The following SMARCA4 variants were observed in gnomAD, a reference collection of about 807,000 sequenced individuals.
SMARCA4 encodes SWI/SNF related BAF chromatin remodeling complex subunit ATPase 4.
A neutral mutation model predicts 193.9 loss-of-function variants in SMARCA4; 31 were observed. The observed-to-expected ratio is 0.16, with a 90% CI of 0.12 to 0.22. The LOEUF is 0.22. Ranked by LOEUF, SMARCA4 falls within the 10% of genes least tolerant of loss-of-function variation. The probability of loss-of-function intolerance (pLI) is 1.00; values close to 1 mark genes in which losing one functional copy is unlikely to be tolerated. For synonymous variants in SMARCA4, 942 were observed against 933.1 expected, an observed-to-expected ratio of 1.01 and a Z score of -0.17; for missense variants, 1,148 against 2,296.0, an observed-to-expected ratio of 0.50 and a Z score of 10.22.
Position 11,058,042 on chromosome 19 carries a change from G to T in SMARCA4, c.4425-213G>T, listed in dbSNP as rs1006037995. ...AATCTCCTGAACCTGGGAGGTGGAG[G>T]TTGCAGTGAGCCGAGATCGCACCAT... On this transcript the variant is annotated intron_variant, in intron 30 of 34. Coordinates refer to ENST00000344626, the MANE Select transcript of SMARCA4 (RefSeq NM_003072.5). This position sits in a 1 kb window ranked among gnomAD's most constrained non-coding sequence, Gnocchi z 5.8. 6.6e-6 allele frequency among the ~76,000 whole-genome samples: 1 copy of T among 151,702 alleles called. No individual in the cohort carries two copies. Among genetic ancestry groups the T allele is most frequent in the Non-Finnish European group, 1.5e-5 (1 of 67,972 alleles).
At chr19:10,971,551 GT>G (rs1406993915) in intron 1 of SMARCA4, among the ~76,000 whole-genome samples, 1 of 150,668 alleles carries the variant, frequency 6.6e-6, no homozygotes, top group Admixed American at 6.6e-5. Flanking sequence ...GGGGAGTACA[GT>G]GGTGCAATCA....
intron 22 of SMARCA4, 147 bp downstream of exon 22, chr19:11,025,655 G>A (rs1484358481): frequency 7.3e-6 from 5 of 683,258 alleles, no homozygotes; most frequent in African/African-American, 1.8e-5. Flanking sequence ...TTTGGTCTTC[G>A]CTTCACCAGT....
chr19:10,984,266 G>T lies in SMARCA4; in HGVS notation c.115G>T (p.Ala39Ser), dbSNP rs764312409. The T allele has an allele frequency of 2.5e-6, 4 of 1,611,008 alleles. No homozygotes were observed. The East Asian group carries it at 8.9e-5, about 36-fold the overall frequency. The stretch of plus-strand genomic sequence containing the variant: ...TAGCCCGGGTCCCTCGCCGGGCTCC[G>T]CCCACAGCATGATGGGGCCCAGCCC... ...GPSPGPSPGS[A>S]HSMMGPSPGP... The change falls in exon 2 of 35, where the codon GCC becomes TCC. Residue 39 changes from alanine (A) to serine (S), a missense_variant. Ala to Ser is a moderately conservative substitution (Grantham distance 99). Transcript: ENST00000344626. The surrounding 1 kb of genome is among the most constrained non-coding windows in gnomAD (Gnocchi z 4.3).
At position 11,019,473 on chromosome 19, in the gene SMARCA4, CT is replaced by C. The variant is rs929001843; in HGVS notation, c.2506-117del. 7 of 704,434 alleles carry C rather than the reference CT, an allele frequency of 9.9e-6. No individual in the cohort carries two copies. In the African/African-American group the frequency reaches 1.0e-4, roughly 11 times the overall value. The allele number at this position is 704,434 out of a possible 1,614,324, so 43.6% of individuals were successfully genotyped here. A position where few individuals can be genotyped will look rare whatever the true frequency, so the allele number is the denominator to read the frequency against. Reference sequence around the variant, plus strand: ...CTGCCAGCCCCTTTCCCCACTACCCCTGTGAGGACGAGCCCTCCCGCCGTGT... The same window carrying C: ...CTGCCAGCCCCTTTCCCCACTACCCCGTGAGGACGAGCCCTCCCGCCGTGT... On this transcript the variant is annotated intron_variant, in intron 17 of 34. Transcript: ENST00000344626. The surrounding 1 kb of genome is among the most constrained non-coding windows in gnomAD (Gnocchi z 6.1).
chr19:11,023,713 T>C, intron 20 of SMARCA4, 82 bp downstream of exon 20: 4 of 830,090 alleles, frequency 4.8e-6, no homozygotes, highest in Non-Finnish European at 8.1e-6. Flanking sequence ...TCAGGGCCTC[T>C]CCCCACAGTC....
In SMARCA4 at chr19:10,987,628, A is replaced by C; in HGVS notation, c.860-38A>C. 1.2e-6 allele frequency: 2 copies of C among 1,611,966 alleles called. No homozygotes were observed. Among genetic ancestry groups the C allele is most frequent in the Non-Finnish European group, 1.7e-6 (2 of 1,179,046 alleles). ...ATTTCCAGCCCGGGATGGGCCCCAG[A>C]GCTCAACATGACGCCCTGGCCCCTT... On this transcript the variant is annotated intron_variant, in intron 5 of 34. Coordinates refer to ENST00000344626, the MANE Select transcript of SMARCA4 (RefSeq NM_003072.5). This position sits in a 1 kb window ranked among gnomAD's most constrained non-coding sequence, Gnocchi z 5.3.
chr19:10,967,455 C>T (rs1203502305), intron 1 of SMARCA4, among the ~76,000 whole-genome samples: 4 of 152,028 alleles, frequency 2.6e-5, no homozygotes, highest in Non-Finnish European at 2.9e-5. Context: ...GGACTACAGG[C>T]GCCCGCCACC....
rs1364385973 is a variant in SMARCA4 at position 10,984,771 on chromosome 19, C to T, written c.222+398C>T. On this transcript the variant is annotated intron_variant, in intron 2 of 34. Transcript: ENST00000344626. This position sits in a 1 kb window ranked among gnomAD's most constrained non-coding sequence, Gnocchi z 4.3. ...CTGTGCAGCTCGCAGAGCCGAGCAG[C>T]GGGTTCCCTTTCCTCCAAGGCGTGC... is the stretch of plus-strand genomic sequence containing the variant. Among the ~76,000 whole-genome samples, 2 of 152,240 alleles carry T rather than the reference C, an allele frequency of 1.3e-5. No individual in the cohort carries two copies. The highest frequency in any genetic ancestry group is 2.9e-5 in the Non-Finnish European group (2 of 68,048).
intron 1 of SMARCA4, among the ~76,000 whole-genome samples, chr19:10,976,940 C>A (rs1254064324): frequency 6.6e-6 from 1 of 152,000 alleles, no homozygotes; most frequent in Non-Finnish European, 1.5e-5. Context: ...GCCTGTAGTC[C>A]CAGCTACTCG....
chr19:10,987,850 G>A lies in SMARCA4; in HGVS notation c.1044G>A (p.Lys348=), dbSNP rs566093923. ...QPAPMVPLHQ[K]QSRITPIQKP... is the part of the protein sequence containing the mutation. The stretch of plus-strand genomic sequence containing the variant: ...CGCCCATGGTGCCACTGCACCAGAA[G>A]CAGAGCCGCATCACCCCCATCCAGA... The change falls in exon 6 of 35, where the codon AAG becomes AAA. Residue 348 remains lysine, a synonymous_variant. Transcript: ENST00000344626. The surrounding 1 kb of genome is among the most constrained non-coding windows in gnomAD (Gnocchi z 5.3). 92 of 1,612,170 alleles carry A rather than the reference G, an allele frequency of 5.7e-5. 1 individual carries two copies. Among genetic ancestry groups the A allele is most frequent in the Middle Eastern group, 1.7e-4 (1 of 5,904 alleles).
intron 15 of SMARCA4, 117 bp from the exon 16 acceptor site, chr19:11,012,832 T>C: frequency 1.1e-6 from 1 of 869,672 alleles, no homozygotes; most frequent in Non-Finnish European, 1.9e-6. Context: ...CAGTAGAGGG[T>C]GGGATGTGGC....
At chr19:10,997,354 A>G (rs2087169533) in intron 11 of SMARCA4, among the ~76,000 whole-genome samples, 1 of 151,886 alleles carries the variant, frequency 6.6e-6, no homozygotes, top group Non-Finnish European at 1.5e-5. Context: ...ACCTGCTACC[A>G]CGCCCGGCTA....
chr19:11,012,444 C>T, intron 15 of SMARCA4: 1 of 186,858 alleles, frequency 5.4e-6, no homozygotes, highest in South Asian at 1.1e-4. Flanking sequence ...AATTTTCCTT[C>T]ATAACGTTAT....
Position 10,987,660 on chromosome 19 carries a change from T to A in SMARCA4, c.860-6T>A. Reference sequence around the variant, plus strand: ...CATGACGCCCTGGCCCCTTGCCTTCTCCCAGGACCCATGGCGAATGCTGCT... The same window carrying A: ...CATGACGCCCTGGCCCCTTGCCTTCACCCAGGACCCATGGCGAATGCTGCT... On this transcript the variant is annotated splice_polypyrimidine_tract_variant and splice_region_variant and intron_variant, in intron 5 of 34. Coordinates refer to ENST00000344626, the MANE Select transcript of SMARCA4 (RefSeq NM_003072.5). This position sits in a 1 kb window ranked among gnomAD's most constrained non-coding sequence, Gnocchi z 5.3. 1.2e-6 allele frequency: 2 copies of A among 1,613,010 alleles called. No homozygotes were observed. The highest frequency in any genetic ancestry group is 1.7e-6 in the Non-Finnish European group (2 of 1,179,770).
chr19:11,032,780 G>A (rs1204364731), intron 25 of SMARCA4: 1 of 228,222 alleles, frequency 4.4e-6, no homozygotes, highest in Admixed American at 5.0e-5. Context: ...GAGGTATGCA[G>A]TAGCCACGGG....
At chr19:11,017,498 G>A (rs983628287) in intron 16 of SMARCA4, among the ~76,000 whole-genome samples, 3 of 152,264 alleles carry the variant, frequency 2.0e-5, no homozygotes, top group Admixed American at 6.5e-5. Flanking sequence ...AAATGTTTAC[G>A]GCGTATGGGC....
chr19:10,971,083 C>T (rs746105466), intron 1 of SMARCA4, among the ~76,000 whole-genome samples: 1 of 152,090 alleles, frequency 6.6e-6, no homozygotes, highest in African/African-American at 2.4e-5. Context: ...GTAATCCCAG[C>T]TACTTGAGAG....
Position 10,986,965 on chromosome 19 carries a change from G to A in SMARCA4, c.821G>A (p.Gly274Asp), listed in dbSNP as rs762655769. The change falls in exon 5 of 35, where the codon GGC becomes GAC. Residue 274 changes from glycine to aspartate, a missense_variant. Transcript: ENST00000344626. The surrounding 1 kb of genome is among the most constrained non-coding windows in gnomAD (Gnocchi z 6.7). Reference protein sequence around the residue: ...GPSGVPPGMPGQPPGGPPKPW... With the variant: ...GPSGVPPGMPDQPPGGPPKPW... ...TCGGGCGTGCCCCCCGGGATGCCAGGCCAGCCTCCTGGAGGGCCTCCCAAG... is the reference window on the plus strand; with the variant it reads ...TCGGGCGTGCCCCCCGGGATGCCAGACCAGCCTCCTGGAGGGCCTCCCAAG... The A allele has an allele frequency of 1.9e-6, 3 of 1,609,418 alleles. No homozygotes were observed. The highest frequency in any genetic ancestry group is 1.7e-6 in the Non-Finnish European group (2 of 1,179,928).
At chr19:11,026,528 T>G (rs1305010611) in intron 23 of SMARCA4, among the ~76,000 whole-genome samples, 182 bp downstream of exon 23, 1 of 151,214 alleles carries the variant, frequency 6.6e-6, no homozygotes, top group Non-Finnish European at 1.5e-5. Context: ...AGGTGGAGTT[T>G]TGCTCTTGTT....
Sources: gnomAD v4.1 joint callset for allele counts (sites outside exome capture counted in the v4.1 genomes callset) on GRCh38, gnomAD v4.1.1 for gene constraint, Gnocchi (gnomAD v3.1) non-coding constraint, MANE v1.5 for transcripts, NCBI Gene and HGNC (gene_info 2026-07-23, HGNC 2026-07-21) for gene names.